The following PPP3CB variants were observed in gnomAD, a reference collection of about 807,000 sequenced individuals.
PPP3CB encodes the protein serine/threonine-protein phosphatase 2B catalytic subunit beta isoform.
PPP3CB carries 8 observed loss-of-function variants against 66.4 expected under a neutral mutation model. The ratio of observed to expected loss-of-function variants is 0.12; its 90% CI spans 0.07 to 0.22. The LOEUF (loss-of-function observed/expected upper bound fraction) is 0.22, where lower values mean the gene tolerates loss of function less well. Ranked by LOEUF, PPP3CB falls within the 10% of genes least tolerant of loss-of-function variation. PPP3CB has a pLI of 1.00. For synonymous variants in PPP3CB, 208 were observed against 221.2 expected, an observed-to-expected ratio of 0.94 and a Z score of 0.53; for missense variants, 319 against 642.5, an observed-to-expected ratio of 0.50 and a Z score of 5.44.
chr10:73,473,401 C>T (rs1026128174), intron 4 of PPP3CB, among the ~76,000 whole-genome samples: 1 of 152,072 alleles, frequency 6.6e-6, no homozygotes, highest in Admixed American at 6.6e-5. Flanking sequence ...CACCTGTAAT[C>T]CCAGCACTTT....
At chr10:73,490,713 T>G (rs1284164245) in intron 1 of PPP3CB, among the ~76,000 whole-genome samples, 1 of 152,180 alleles carries the variant, frequency 6.6e-6, no homozygotes, top group African/African-American at 2.4e-5. Flanking sequence ...TAAGGTAACT[T>G]GTTACCATAG....
chr10:73,495,631 T>C (rs1472506057), intron 1 of PPP3CB, 174 bp downstream of exon 1: 4 of 959,850 alleles, frequency 4.2e-6, no homozygotes, highest in Non-Finnish European at 4.1e-6. Flanking sequence ...GCGGAACCAC[T>C]GCCACCGACT....
intron 9 of PPP3CB, among the ~76,000 whole-genome samples, chr10:73,456,285 C>T (rs992383914): frequency 1.3e-5 from 2 of 152,134 alleles, no homozygotes; most frequent in Non-Finnish European, 2.9e-5. Context: ...CTGAAGGAGA[C>T]ATTAAATATC....
chr10:73,463,839 G>A (rs571223590), intron 9 of PPP3CB, among the ~76,000 whole-genome samples: 20 of 151,830 alleles, frequency 1.3e-4, no homozygotes, highest in African/African-American at 3.9e-4. Context: ...GTTTCACTGC[G>A]TTAGCCAGGA....
intron 1 of PPP3CB, 77 bp from the exon 2 acceptor site, chr10:73,479,594 A>G: frequency 2.2e-6 from 3 of 1,359,182 alleles, no homozygotes; most frequent in Non-Finnish European, 3.0e-6. Context: ...GGATCTAGAT[A>G]AGACTAAAAA....
At chr10:73,491,460 G>A (rs190260886) in intron 1 of PPP3CB, among the ~76,000 whole-genome samples, 412 of 152,228 alleles carry the variant, frequency 2.7e-3, no homozygotes, top group African/African-American at 8.9e-3. Flanking sequence ...CCACTGCTGC[G>A]CCTGGCCTGA....
intron 9 of PPP3CB, among the ~76,000 whole-genome samples, chr10:73,461,502 G>C (rs757904906): frequency 6.6e-5 from 10 of 152,072 alleles, no homozygotes; most frequent in Non-Finnish European, 1.0e-4. Context: ...GACTTGCATA[G>C]TGTCTGAACC....
chr10:73,463,840 T>A (rs1255895111), intron 9 of PPP3CB, among the ~76,000 whole-genome samples: 2 of 151,818 alleles, frequency 1.3e-5, no homozygotes, highest in Admixed American at 1.3e-4. Context: ...TTTCACTGCG[T>A]TAGCCAGGAT....
chr10:73,471,281 G>T, intron 5 of PPP3CB, 72 bp from the exon 6 acceptor site: 6 of 1,455,426 alleles, frequency 4.1e-6, no homozygotes, highest in Non-Finnish European at 5.6e-6. Flanking sequence ...ATAGGAAAAC[G>T]ATACCAACTT....
intron 1 of PPP3CB, among the ~76,000 whole-genome samples, chr10:73,491,031 T>TG (rs2057066988): frequency 8.5e-6 from 1 of 117,452 alleles, no homozygotes; most frequent in African/African-American, 4.1e-5. Context: ...TGTTTTTTTT[T>TG]TTTTTTTTTT....
chr10:73,446,391 T>C, intron 11 of PPP3CB, 101 bp downstream of exon 11: 1 of 1,109,436 alleles, frequency 9.0e-7, no homozygotes, highest in Admixed American at 1.7e-5. Flanking sequence ...TGTGCCACCA[T>C]ACCCGGCCCC....
rs1589683521 is a variant in PPP3CB at position 73,444,915 on chromosome 10, A to G, written c.1269-93T>C. ...GGTCTAGATATAGGCCATATATAAAATTCATGACATTCATTGCTATTACCA... is the reference window on the plus strand; with the variant it reads ...GGTCTAGATATAGGCCATATATAAAGTTCATGACATTCATTGCTATTACCA... On this transcript the variant is annotated intron_variant, in intron 11 of 13. Coordinates refer to ENST00000360663, the MANE Select transcript of PPP3CB (RefSeq NM_021132.4). The G allele has an allele frequency of 3.5e-6, 4 of 1,156,418 alleles. No homozygotes were observed. In the East Asian group the frequency reaches 7.6e-5, roughly 22 times the overall value. 71.6% of individuals were successfully genotyped at this position (1,156,418 alleles called of 1,614,324 possible).
At chr10:73,480,237 TACTTA>T (rs1264022392) in intron 1 of PPP3CB, among the ~76,000 whole-genome samples, 1 of 143,968 alleles carries the variant, frequency 6.9e-6, no homozygotes, top group Non-Finnish European at 1.6e-5. Context: ...TCTCCTACCT[TACTTA>T]ACGTTTCACA....
intron 2 of PPP3CB, 75 bp downstream of exon 2, chr10:73,479,242 A>G: frequency 7.6e-7 from 1 of 1,322,286 alleles, no homozygotes; most frequent in East Asian, 2.3e-5. Context: ...GTATCATTGA[A>G]AACAGTAAGT....
At chr10:73,471,736 T>C (rs1053518279) in intron 4 of PPP3CB, 123 bp from the exon 5 acceptor site, 2 of 734,670 alleles carry the variant, frequency 2.7e-6, no homozygotes, top group Non-Finnish European at 4.2e-6. Context: ...TAGCTATTTA[T>C]AATGAAATTG....
intron 2 of PPP3CB, among the ~76,000 whole-genome samples, chr10:73,479,032 T>C (rs189873990): frequency 2.4e-4 from 37 of 152,282 alleles, no homozygotes; most frequent in African/African-American, 7.0e-4. Context: ...ACCCTAACAA[T>C]TGAAAGCAAA....
At chr10:73,471,837 G>T (rs986774499) in intron 4 of PPP3CB, among the ~76,000 whole-genome samples, 10 of 152,144 alleles carry the variant, frequency 6.6e-5, no homozygotes, top group African/African-American at 2.4e-4. Context: ...CAAAGTGGTG[G>T]CCAGGGCTTC....
chr10:73,492,996 C>T (rs2057102369), intron 1 of PPP3CB, among the ~76,000 whole-genome samples: 1 of 152,080 alleles, frequency 6.6e-6, no homozygotes, highest in South Asian at 2.1e-4. Flanking sequence ...GGGAGGCAGG[C>T]CGGGCGCGGT....
At chr10:73,456,249 T>C (rs2056425688) in intron 9 of PPP3CB, among the ~76,000 whole-genome samples, 1 of 152,212 alleles carries the variant, frequency 6.6e-6, no homozygotes, top group Non-Finnish European at 1.5e-5. Context: ...AGGCACAGTC[T>C]CTACCTTCAA....
Sources: allele counts gnomAD v4.1 joint callset (sites outside exome capture counted in the v4.1 genomes callset), GRCh38; gene constraint gnomAD v4.1.1; transcripts MANE v1.5; gene names NCBI Gene and HGNC (gene_info 2026-07-23, HGNC 2026-07-21).